The following NBPF3 variants were observed in gnomAD, a reference collection of about 807,000 sequenced individuals.
NBPF3 encodes the protein NBPF family member NBPF3.
A neutral mutation model predicts 78.1 loss-of-function variants in NBPF3; 57 were observed. The ratio of observed to expected loss-of-function variants is 0.73; its 90% CI spans 0.59 to 0.91. NBPF3 has a LOEUF of 0.91. NBPF3 is among the 40% of genes least tolerant of loss of function. The pLI is 0.00. For missense variants in NBPF3, 510 were observed against 715.3 expected, an observed-to-expected ratio of 0.71 and a Z score of 3.27; for synonymous variants, 182 against 271.7, an observed-to-expected ratio of 0.67 and a Z score of 3.25.
chr1:21,438,684 C>G (rs1640482438), upstream of NBPF3, among the ~76,000 whole-genome samples: 1 of 152,076 alleles, frequency 6.6e-6, no homozygotes, highest in Non-Finnish European at 1.5e-5. Context: ...GGAGTCGTTC[C>G]TGTTATTTTC....
chr1:21,445,770 C>T (rs534574665), intron 2 of NBPF3, among the ~76,000 whole-genome samples: 1 of 152,258 alleles, frequency 6.6e-6, no homozygotes, highest in South Asian at 2.1e-4. Context: ...GAAGGCCTTT[C>T]CCACCTCCCA....
At chr1:21,459,606 A>T in intron 2 of NBPF3, 1 of 218,742 alleles carries the variant, frequency 4.6e-6, no homozygotes, top group South Asian at 7.2e-5. Context: ...TGTGTGTATG[A>T]GAAGGAAAGG....
intron 2 of NBPF3, among the ~76,000 whole-genome samples, chr1:21,452,489 A>G (rs576866143): frequency 1.3e-5 from 2 of 152,344 alleles, no homozygotes; most frequent in African/African-American, 2.4e-5. Flanking sequence ...TTTTCAACCT[A>G]CAGGGGAGAT....
At chr1:21,459,770 C>T (rs1361548309) in intron 2 of NBPF3, 2 of 320,932 alleles carry the variant, frequency 6.2e-6, no homozygotes, top group Non-Finnish European at 1.3e-5. Context: ...TCTTGGCAAT[C>T]ATGGTGACAG....
intron 2 of NBPF3, chr1:21,446,332 A>G (rs1206580478): frequency 6.6e-6 from 1 of 152,182 alleles, no homozygotes; most frequent in Non-Finnish European, 1.5e-5. Context: ...GAAACAGTAT[A>G]TGGTTTTACA....
rs2148030676 is a variant in NBPF3, at chr1:21,483,919, G to C, written c.*533G>C. 1 of 151,056 alleles carries C rather than the reference G, an allele frequency of 6.6e-6. No individual in the cohort carries two copies. Among genetic ancestry groups the C allele is most frequent in the East Asian group, 2.0e-4 (1 of 4,978 alleles). The allele number at this position is 151,056 out of a possible 1,614,324, so 9.4% of individuals were successfully genotyped here. A position where few individuals can be genotyped will look rare whatever the true frequency, so the allele number is the denominator to read the frequency against. On this transcript the variant is annotated 3_prime_UTR_variant, in exon 15 of 15. Transcript: ENST00000318249. Reference sequence around the variant, plus strand: ...AGTTGTTAACCCACTAGGCTCCTTTGAGTAGAGAAGCCATAGTCCTTCAGC... The same window carrying C: ...AGTTGTTAACCCACTAGGCTCCTTTCAGTAGAGAAGCCATAGTCCTTCAGC...
intron 10 of NBPF3, 108 bp from the exon 11 acceptor site, chr1:21,479,943 T>A: frequency 1.3e-6 from 1 of 760,162 alleles, no homozygotes; most frequent in Non-Finnish European, 2.4e-6. Flanking sequence ...TTAATAGATC[T>A]GTCCTTTTTC....
intron 2 of NBPF3, among the ~76,000 whole-genome samples, chr1:21,449,059 A>C (rs1409596679): frequency 1.3e-5 from 2 of 152,226 alleles, no homozygotes; most frequent in Non-Finnish European, 2.9e-5. Context: ...GCAGAGTTCT[A>C]CTTTAGCACA....
Position 21,473,585 on chromosome 1 carries a change from G to A in NBPF3, c.940G>A (p.Glu314Lys), listed in dbSNP as rs764317550. The change falls in exon 7 of 15, where the codon GAA becomes AAA. Residue 314 changes from glutamate to lysine, a missense_variant and splice_region_variant. By Grantham distance (56) the Glu-to-Lys change is moderately conservative. This residue lies in a region of NBPF3 where 440 missense variants were observed against 478.2 expected (regional missense o/e 0.92). Coordinates refer to ENST00000318249, the MANE Select transcript of NBPF3 (RefSeq NM_032264.6). ...EWLDAVCIIP[E>K]NESDHEQEEE... ...GTTGGATGCTGTATGCATTATCCCAGGTAGCCTCTATTTTCCTGTGTCTCA... is the reference window on the plus strand; with the variant it reads ...GTTGGATGCTGTATGCATTATCCCAAGTAGCCTCTATTTTCCTGTGTCTCA... 3 of 1,613,442 alleles carry A rather than the reference G, an allele frequency of 1.9e-6. No individual in the cohort carries two copies. The East Asian group carries it at 6.7e-5, about 36-fold the overall frequency.
intron 2 of NBPF3, chr1:21,468,149 G>A (rs41265985): frequency 0.12 from 18,614 of 161,666 alleles, 1,458 homozygotes; most frequent in South Asian, 0.32. Context: ...CATGACTACC[G>A]TTAAGAAAAT....
chr1:21,473,113 G>A (rs753450419), intron 6 of NBPF3, among the ~76,000 whole-genome samples, 198 bp downstream of exon 6: 3 of 152,162 alleles, frequency 2.0e-5, no homozygotes, highest in South Asian at 2.1e-4. Context: ...TGTCTGTACC[G>A]TACAGGGATA....
intron 2 of NBPF3, among the ~76,000 whole-genome samples, chr1:21,463,904 TACC>T (rs1210287725): frequency 6.6e-6 from 1 of 152,084 alleles, no homozygotes; most frequent in Non-Finnish European, 1.5e-5. Context: ...CAAAATGAGA[TACC>T]ACTTCACACC....
chr1:21,438,401 C>CT (rs1640472876), upstream of NBPF3, among the ~76,000 whole-genome samples: 1 of 152,242 alleles, frequency 6.6e-6, no homozygotes, highest in South Asian at 2.1e-4. Context: ...GGTTGAGCCA[C>CT]TGTGCCCAGC....
Position 21,480,151 on chromosome 1 carries a change from T to C in NBPF3, c.1309T>C (p.Leu437=), listed in dbSNP as rs776615752. ...TTTTGAGTACCTGGAACTGCCTGAC[T>C]TATGCCAGCCCTACAGAAGTGACTT... ...TPFEYLELPD[L]CQPYRSDFYS... The change falls in exon 11 of 15, where the codon TTA becomes CTA. Residue 437 remains leucine, a synonymous_variant. Coordinates refer to ENST00000318249, the MANE Select transcript of NBPF3 (RefSeq NM_032264.6). The C allele has an allele frequency of 2.5e-6, 3 of 1,195,552 alleles. 1 individual carries two copies. Among genetic ancestry groups the C allele is most frequent in the Non-Finnish European group, 3.6e-6 (3 of 844,534 alleles). The allele number at this position is 1,195,552 out of a possible 1,614,324, so 74.1% of individuals were successfully genotyped here. A position where few individuals can be genotyped will look rare whatever the true frequency, so the allele number is the denominator to read the frequency against.
chr1:21,461,238 A>T (rs4654939), intron 2 of NBPF3, among the ~76,000 whole-genome samples: 1 of 151,508 alleles, frequency 6.6e-6, no homozygotes, highest in African/African-American at 2.4e-5. Flanking sequence ...CAGTATGTCC[A>T]TTCACAGAAA....
At chr1:21,442,940 G>GT (rs1445510974) in intron 1 of NBPF3, among the ~76,000 whole-genome samples, 1 of 152,170 alleles carries the variant, frequency 6.6e-6, no homozygotes, top group Non-Finnish European at 1.5e-5. Flanking sequence ...GGAATTACAG[G>GT]TGTGAGCCAC....
chr1:21,459,246 G>C (rs1641808138), intron 2 of NBPF3, among the ~76,000 whole-genome samples: 1 of 152,178 alleles, frequency 6.6e-6, no homozygotes, highest in Admixed American at 6.5e-5. Flanking sequence ...CAAGAACCTA[G>C]AATAGGCAAG....
intron 2 of NBPF3, among the ~76,000 whole-genome samples, chr1:21,452,685 G>A (rs1281422923): frequency 6.6e-6 from 1 of 152,224 alleles, no homozygotes; most frequent in Non-Finnish European, 1.5e-5. Flanking sequence ...TGTGGGCTTT[G>A]GGAAAATGAG....
At chr1:21,477,745 C>A (rs1570092146) in intron 8 of NBPF3, among the ~76,000 whole-genome samples, 2 of 151,896 alleles carry the variant, frequency 1.3e-5, no homozygotes, top group Admixed American at 1.3e-4. Flanking sequence ...AAAAGGGGAC[C>A]CTTAATACAC....
Sources: allele counts gnomAD v4.1 joint callset (sites outside exome capture counted in the v4.1 genomes callset), GRCh38; gene constraint gnomAD v4.1.1; regional missense constraint gnomAD v4.1.1; transcripts MANE v1.5; gene names NCBI Gene and HGNC (gene_info 2026-07-23, HGNC 2026-07-21).